ZNF670: variants seen among roughly 807,000 people sequenced by gnomAD.
The protein encoded by ZNF670 is zinc finger protein 670.
ZNF670 carries 7 observed loss-of-function variants against 10.9 expected under a neutral mutation model. That is an observed-to-expected ratio of 0.64 (90% CI 0.36 to 1.20). The LOEUF (loss-of-function observed/expected upper bound fraction) is 1.20, where lower values mean the gene tolerates loss of function less well. ZNF670 is among the 50% of genes most tolerant of loss of function. The pLI is 0.02. For missense variants in ZNF670, 446 were observed against 458.6 expected (o/e 0.97, Z 0.25); for synonymous variants, 136 against 152.7 (o/e 0.89, Z 0.81).
At chr1:247,047,873 G>A (rs1265435619) in intron 1 of ZNF670, among the ~76,000 whole-genome samples, 1 of 151,986 alleles carries the variant, frequency 6.6e-6, no homozygotes, top group East Asian at 1.9e-4. Flanking sequence ...AAAGCAGCAA[G>A]GCCCTGGGTC....
intron 3 of ZNF670, 124 bp from the exon 4 acceptor site, chr1:247,038,551 G>T: frequency 1.1e-6 from 1 of 951,558 alleles, no homozygotes; most frequent in Non-Finnish European, 1.5e-6. Flanking sequence ...ATTAATTACT[G>T]TAAGATATGG....
At chr1:247,049,098 CTTTTTTT>C (rs772486522) in intron 1 of ZNF670, among the ~76,000 whole-genome samples, 1 of 124,556 alleles carries the variant, frequency 8.0e-6, no homozygotes, top group Non-Finnish European at 1.7e-5. Flanking sequence ...TGTTTCATTT[CTTTTTTT>C]TTTTTTTTTT....
chr1:247,061,197 T>C (rs1670848588), intron 1 of ZNF670, among the ~76,000 whole-genome samples: 1 of 151,748 alleles, frequency 6.6e-6, no homozygotes, highest in African/African-American at 2.4e-5. Flanking sequence ...TTTTTTTTTT[T>C]TTGAGATGGA....
intron 1 of ZNF670, among the ~76,000 whole-genome samples, chr1:247,047,153 T>C (rs1670470189): frequency 6.6e-6 from 1 of 152,240 alleles, no homozygotes; most frequent in Non-Finnish European, 1.5e-5. Flanking sequence ...CACTGTAAGC[T>C]GTCAGTGGAT....
Position 247,078,670 on chromosome 1 carries a change from G to A in ZNF670, c.-74C>T. On this transcript the variant is annotated 5_prime_UTR_variant, in exon 1 of 4. It introduces an in-frame stop codon into an upstream open reading frame of the 5' UTR. Coordinates refer to ENST00000366503, the MANE Select transcript of ZNF670 (RefSeq NM_033213.5). Reference sequence around the variant, plus strand: ...TGCAGGTCCCAGAGCAACAGAAGCTGCCGCGGGACCACTTGGACCTCCCAG... The same window carrying A: ...TGCAGGTCCCAGAGCAACAGAAGCTACCGCGGGACCACTTGGACCTCCCAG... 2 of 1,560,698 alleles carry A rather than the reference G, an allele frequency of 1.3e-6. No homozygotes were observed. Among genetic ancestry groups the A allele is most frequent in the Non-Finnish European group, 1.8e-6 (2 of 1,136,020 alleles).
At chr1:247,045,755 C>T (rs984269008) in intron 1 of ZNF670, among the ~76,000 whole-genome samples, 2 of 152,112 alleles carry the variant, frequency 1.3e-5, no homozygotes, top group African/African-American at 4.8e-5. Flanking sequence ...CATGCAGAAG[C>T]TGGAAGACTT....
At chr1:247,072,804 G>GTATATATA (rs74163726) in intron 1 of ZNF670, among the ~76,000 whole-genome samples, 2,538 of 47,064 alleles carry the variant, frequency 0.054, 157 homozygotes, top group East Asian at 0.19. Context: ...AAAAGTGTGT[G>GTATATATA]TATATATATA....
At position 247,039,284 on chromosome 1, in the gene ZNF670, C is replaced by T. The variant is rs898703440; in HGVS notation, c.130+127G>A. 1.1e-5 allele frequency: 12 copies of T among 1,069,032 alleles called. No individual in the cohort carries two copies. The South Asian group carries it at 1.9e-4, about 17-fold the overall frequency. 66.2% of individuals were successfully genotyped at this position (1,069,032 alleles called of 1,614,324 possible). Reference sequence around the variant, plus strand: ...CCATGTTGGCCAGGCTGGTCTTGAACTCCTGACCTCAGGCGATTCACCCGC... The same window carrying T: ...CCATGTTGGCCAGGCTGGTCTTGAATTCCTGACCTCAGGCGATTCACCCGC... On this transcript the variant is annotated intron_variant, in intron 2 of 3. Transcript: ENST00000366503.
intron 3 of ZNF670, 51 bp from the exon 4 acceptor site, chr1:247,038,478 T>C: frequency 6.5e-7 from 1 of 1,527,076 alleles, no homozygotes; most frequent in Non-Finnish European, 8.8e-7. Context: ...TGGTTTACAT[T>C]GCTACTAATA....
At chr1:247,074,667 T>G in intron 1 of ZNF670, among the ~76,000 whole-genome samples, 1 of 152,136 alleles carries the variant, frequency 6.6e-6, no homozygotes, top group East Asian at 1.9e-4. Flanking sequence ...CATCAGGCAT[T>G]AGATTCTCAT....
intron 1 of ZNF670, among the ~76,000 whole-genome samples, chr1:247,071,745 T>A (rs904261410): frequency 6.6e-6 from 1 of 152,270 alleles, no homozygotes; most frequent in South Asian, 2.1e-4. Flanking sequence ...TGTTATTTTT[T>A]AAATTTGAGT....
At position 247,036,282 on chromosome 1, in the gene ZNF670, T is replaced by C. The variant is rs74155741; in HGVS notation, c.*1167A>G. Among the ~76,000 whole-genome samples, 2,793 of 152,244 alleles carry C rather than the reference T, an allele frequency of 0.018. 87 individuals are homozygous for C. Among genetic ancestry groups the C allele is most frequent in the African/African-American group, 0.064 (2,675 of 41,512 alleles). ...ATTTATGAAAAATCCACAATATACT[T>C]GATGGTGAGACTGAATGCTTTCACA... On this transcript the variant is annotated 3_prime_UTR_variant, in exon 4 of 4. Coordinates refer to ENST00000366503, the MANE Select transcript of ZNF670 (RefSeq NM_033213.5).
At chr1:247,068,085 G>A (rs1451949776) in intron 1 of ZNF670, among the ~76,000 whole-genome samples, 3 of 150,482 alleles carry the variant, frequency 2.0e-5, no homozygotes, top group Non-Finnish European at 4.4e-5. Flanking sequence ...TTGAGAGGCC[G>A]AGGCAGTAGA....
chr1:247,075,010 T>A (rs373644719), intron 1 of ZNF670, among the ~76,000 whole-genome samples: 2 of 152,242 alleles, frequency 1.3e-5, no homozygotes, highest in African/African-American at 4.8e-5. Flanking sequence ...TCCAGAACTC[T>A]GTAGCTTCTC....
chr1:247,045,708 T>C (rs185277737), intron 1 of ZNF670, among the ~76,000 whole-genome samples: 1 of 152,298 alleles, frequency 6.6e-6, no homozygotes, highest in East Asian at 1.9e-4. Flanking sequence ...GCTATAAAGA[T>C]ACCTGAAAAT....
intron 1 of ZNF670, among the ~76,000 whole-genome samples, chr1:247,040,304 T>C (rs7547915): frequency 0.33 from 49,486 of 152,154 alleles, 8,871 homozygotes; most frequent in African/African-American, 0.46. Flanking sequence ...ATAAGACTGA[T>C]AATTTATCTT....
chr1:247,059,537 G>A (rs1670807223), intron 1 of ZNF670, among the ~76,000 whole-genome samples: 2 of 151,906 alleles, frequency 1.3e-5, no homozygotes, highest in Admixed American at 1.3e-4. Flanking sequence ...TAGGAATTAT[G>A]ACAGATAATC....
At chr1:247,058,975 C>T (rs1670788960) in intron 1 of ZNF670, among the ~76,000 whole-genome samples, 1 of 152,166 alleles carries the variant, frequency 6.6e-6, no homozygotes, top group Admixed American at 6.5e-5. Context: ...CACAGATTCT[C>T]TATACGCTCT....
chr1:247,075,932 A>C (rs1671240536), intron 1 of ZNF670, among the ~76,000 whole-genome samples: 1 of 152,242 alleles, frequency 6.6e-6, no homozygotes, highest in South Asian at 2.1e-4. Context: ...AATTTTTAAC[A>C]AATGGAATAT....
Sources: allele counts gnomAD v4.1 joint callset (sites outside exome capture counted in the v4.1 genomes callset), GRCh38; gene constraint gnomAD v4.1.1; transcripts MANE v1.5; gene names NCBI Gene and HGNC (gene_info 2026-07-23, HGNC 2026-07-21).